BRSK2: variants seen among roughly 807,000 people sequenced by gnomAD.
BRSK2 encodes the protein BR serine/threonine kinase 2.
Under a neutral mutation model 83.3 loss-of-function variants are expected in BRSK2, and 19 were observed. The ratio of observed to expected loss-of-function variants is 0.23; its 90% confidence interval spans 0.16 to 0.33. BRSK2 has a LOEUF of 0.33. BRSK2 is among the 10% of genes least tolerant of loss of function. The probability of loss-of-function intolerance (pLI) is 1.00; values close to 1 mark genes in which losing one functional copy is unlikely to be tolerated. For missense variants in BRSK2, 798 were observed against 1,042.3 expected (o/e 0.77, Z 3.23); for synonymous variants, 519 against 435.4 (o/e 1.19, Z -2.39).
chr11:1,459,910 G>C (rs1847197435), intron 19 of BRSK2, among the ~76,000 whole-genome samples: 1 of 152,184 alleles, frequency 6.6e-6, no homozygotes, highest in Non-Finnish European at 1.5e-5. Flanking sequence ...TCGGGCTTCA[G>C]GCCTCTCTGG....
chr11:1,424,778 C>T (rs928052486), intron 1 of BRSK2, among the ~76,000 whole-genome samples: 1 of 150,926 alleles, frequency 6.6e-6, no homozygotes, highest in African/African-American at 2.4e-5. Context: ...GCTGGGGGCT[C>T]TGGACCTGGG....
Position 1,454,467 on chromosome 11 carries a change from C to G in BRSK2, c.1545-18C>G, listed in dbSNP as rs780379128. On this transcript the variant is annotated intron_variant, in intron 15 of 19. Coordinates refer to ENST00000528841, the MANE Select transcript of BRSK2 (RefSeq NM_001256627.2). The surrounding 1 kb of genome is among the most constrained non-coding windows in gnomAD (Gnocchi z 5.2). The stretch of plus-strand genomic sequence containing the variant: ...TGCCACACCTCAATCCTCACAGCCT[C>G]TGTCTCCCACTGCCCAGGCTGGCGA... 3.7e-6 allele frequency: 6 copies of G among 1,612,512 alleles called. No homozygotes were observed. The East Asian group carries it at 1.3e-4, about 36-fold the overall frequency.
At chr11:1,460,422 C>T (rs1170069796) in intron 19 of BRSK2, 78 bp from the exon 20 acceptor site, 5 of 911,256 alleles carry the variant, frequency 5.5e-6, no homozygotes, top group South Asian at 4.2e-5. Flanking sequence ...CTCTCCTTCC[C>T]TCCCCTCCTC....
Position 1,460,453 on chromosome 11 carries a change from CTTTT to C in BRSK2, c.1988-44_1988-41del, listed in dbSNP as rs1231654978. 5,512 of 1,143,420 alleles carry C rather than the reference CTTTT, an allele frequency of 4.8e-3. 24 individuals carry two copies. Among genetic ancestry groups the C allele is most frequent in the Non-Finnish European group, 5.4e-3 (4,906 of 909,056 alleles). 70.8% of individuals were successfully genotyped at this position (1,143,420 alleles called of 1,614,324 possible). ...TCCTCTTTCTCTCCCCCTTTTTTTT[CTTTT>C]TTCCTTTTTTTTTTTTTTTTTGTCT... On this transcript the variant is annotated intron_variant, in intron 19 of 19. Transcript: ENST00000528841.
Position 1,456,662 on chromosome 11 carries a change from C to A in BRSK2, c.1914C>A (p.Asp638Glu). The A allele has an allele frequency of 6.2e-7, 1 of 1,608,442 alleles. No individual in the cohort carries two copies. Among genetic ancestry groups the A allele is most frequent in the Non-Finnish European group, 8.5e-7 (1 of 1,178,306 alleles). ...TIQAQLLSTH[D>E]PPAAQHLSDT... ...AGGCCCAGCTGCTGAGCACACACGA[C>A]CCGCCTGCGGCCCAGCACTTGTCAG... The change falls in exon 18 of 20, where the codon GAC becomes GAA. Residue 638 changes from aspartate to glutamate, a missense_variant. Asp to Glu is a conservative substitution (Grantham distance 45). Transcript: ENST00000528841.
rs1476950423 is a variant in BRSK2 at position 1,423,672 on chromosome 11, C to T, written c.92-12368C>T. On this transcript the variant is annotated intron_variant, in intron 1 of 19. Transcript: ENST00000528841. The surrounding 1 kb of genome is among the most constrained non-coding windows in gnomAD (Gnocchi z 6.5). ...CTCAAGGAAGCCCTGCCCCAAGCCT[C>T]CCCCGCTGGGCGTTCCGGGTGCCCC... is the stretch of plus-strand genomic sequence containing the variant. 2.9e-5 allele frequency among the ~76,000 whole-genome samples: 4 copies of T among 139,838 alleles called. No individual in the cohort carries two copies. Among genetic ancestry groups the T allele is most frequent in the African/African-American group, 1.2e-4 (4 of 32,702 alleles). 91.7% of individuals were successfully genotyped at this position (139,838 alleles called of 152,430 possible).
chr11:1,419,949 T>C (rs568111865), intron 1 of BRSK2, among the ~76,000 whole-genome samples: 1 of 152,350 alleles, frequency 6.6e-6, no homozygotes, highest in East Asian at 1.9e-4. Flanking sequence ...AAATCCTGAT[T>C]TCCTGAGGAC....
chr11:1,393,738 G>T (rs1440707990), intron 1 of BRSK2, among the ~76,000 whole-genome samples: 1 of 152,206 alleles, frequency 6.6e-6, no homozygotes, highest in Non-Finnish European at 1.5e-5. Context: ...GACCCTGGGG[G>T]TGACCCCAGG....
chr11:1,447,769 CTG>C (rs1266987080), intron 12 of BRSK2: 43 of 1,590,166 alleles, frequency 2.7e-5, no homozygotes, highest in Middle Eastern at 1.6e-4. Context: ...CCGTCAGTAA[CTG>C]TGTTTTCTCG....
intron 1 of BRSK2, among the ~76,000 whole-genome samples, chr11:1,407,820 C>T (rs11025764): frequency 6.6e-6 from 1 of 152,140 alleles, no homozygotes; most frequent in African/African-American, 2.4e-5. Flanking sequence ...TCCAGGAGGG[C>T]TTTCCCAGAG....
chr11:1,436,640 T>C (rs1850337710), intron 2 of BRSK2, among the ~76,000 whole-genome samples: 2 of 151,558 alleles, frequency 1.3e-5, no homozygotes, highest in South Asian at 4.2e-4. Context: ...CACCTCTCAG[T>C]GGGGAGGGGG....
intron 12 of BRSK2, chr11:1,447,829 G>C (rs369007991): frequency 1.3e-6 from 2 of 1,597,284 alleles, no homozygotes. Flanking sequence ...CCTGGATATC[G>C]CTGAGGCCCA....
intron 15 of BRSK2, among the ~76,000 whole-genome samples, chr11:1,453,153 G>T (rs1846013213): frequency 6.6e-6 from 1 of 152,232 alleles, no homozygotes; most frequent in African/African-American, 2.4e-5. Flanking sequence ...ACTGATTTAA[G>T]TTCGTCTCAT....
chr11:1,442,479 C>G lies in BRSK2; in HGVS notation c.414-11C>G. 6.2e-7 allele frequency: 1 copy of G among 1,608,356 alleles called. No individual in the cohort carries two copies. The highest frequency in any genetic ancestry group is 8.5e-7 in the Non-Finnish European group (1 of 1,175,906). Reference sequence around the variant, plus strand: ...ACTGGCCCTGTTCAGCCTCACCACCCTCCTCCCCAGCCACAGGGATCTGAA... The same window carrying G: ...ACTGGCCCTGTTCAGCCTCACCACCGTCCTCCCCAGCCACAGGGATCTGAA... On this transcript the variant is annotated splice_polypyrimidine_tract_variant and intron_variant, in intron 4 of 19. Coordinates refer to ENST00000528841, the MANE Select transcript of BRSK2 (RefSeq NM_001256627.2).
chr11:1,421,439 CTTTG>C (rs200259038), intron 1 of BRSK2, among the ~76,000 whole-genome samples: 1,529 of 152,298 alleles, frequency 0.01, 30 homozygotes, highest in East Asian at 0.059. Context: ...TGCATCCCAC[CTTTG>C]TTTGGGTGCT....
intron 12 of BRSK2, 131 bp downstream of exon 12, chr11:1,446,038 C>T (rs1206246459): frequency 6.5e-6 from 5 of 765,768 alleles, no homozygotes; most frequent in Non-Finnish European, 9.2e-6. Flanking sequence ...ATGGGCTAAA[C>T]TGGGCTTAGC....
chr11:1,455,313 C>T (rs1369884082), intron 16 of BRSK2, among the ~76,000 whole-genome samples: 3 of 146,086 alleles, frequency 2.1e-5, no homozygotes, highest in Admixed American at 6.8e-5. Flanking sequence ...TGCCCCCCAC[C>T]CGCCTCCCCC....
At chr11:1,459,492 G>C in intron 19 of BRSK2, 1 of 531,246 alleles carries the variant, frequency 1.9e-6, no homozygotes, top group Non-Finnish European at 3.4e-6. Flanking sequence ...GCAGGCCCAA[G>C]AAGGGGCTCC....
Position 1,453,311 on chromosome 11 carries a change from C to A in BRSK2, c.1545-1174C>A, listed in dbSNP as rs566580045. Reference sequence around the variant, plus strand: ...CGTCAGGCATCTTTCACACATGGGACTATTTTTGCCAAATGCTGCACCCCT... The same window carrying A: ...CGTCAGGCATCTTTCACACATGGGAATATTTTTGCCAAATGCTGCACCCCT... On this transcript the variant is annotated intron_variant, in intron 15 of 19. Coordinates refer to ENST00000528841, the MANE Select transcript of BRSK2 (RefSeq NM_001256627.2). Among the ~76,000 whole-genome samples, 3 of 152,360 alleles carry A rather than the reference C, an allele frequency of 2.0e-5. No homozygotes were observed. In the South Asian group the frequency reaches 6.2e-4, roughly 32 times the overall value.
Sources: allele counts gnomAD v4.1 joint callset (sites outside exome capture counted in the v4.1 genomes callset), GRCh38; gene constraint gnomAD v4.1.1; non-coding constraint Gnocchi (gnomAD v3.1); transcripts MANE v1.5; gene names NCBI Gene and HGNC (gene_info 2026-07-23, HGNC 2026-07-21).